Variants in MTAP observed in about 807,000 individuals in gnomAD.
MTAP encodes methylthioadenosine phosphorylase.
Under a neutral mutation model 33.6 loss-of-function variants are expected in MTAP, and 33 were observed. The observed-to-expected ratio is 0.98, with a 90% CI of 0.74 to 1.31. The LOEUF is 1.31. Among genes scored for constraint, MTAP ranks in the 40% most tolerant of loss-of-function variants. The probability of loss-of-function intolerance (pLI) is 0.00; values close to 1 mark genes in which losing one functional copy is unlikely to be tolerated. For synonymous variants in MTAP, 148 were observed against 125.7 expected (o/e 1.18, Z -1.19); for missense variants, 367 against 360.0 (o/e 1.02, Z -0.16).
chr9:21,907,665 G>T (rs1471841749), intron 1 of MTAP, among the ~76,000 whole-genome samples: 1 of 146,186 alleles, frequency 6.8e-6, no homozygotes, highest in East Asian at 2.1e-4. Context: ...AATAATACCT[G>T]TGTGGGTGTT....
chr9:21,902,371 G>C (rs1302714272), intron 1 of MTAP, among the ~76,000 whole-genome samples: 1 of 152,168 alleles, frequency 6.6e-6, no homozygotes, highest in East Asian at 1.9e-4. Context: ...CTGCAAAAGA[G>C]GAAGGAAAAG....
intron 4 of MTAP, among the ~76,000 whole-genome samples, chr9:21,821,924 T>C (rs1475985368): frequency 6.6e-6 from 1 of 152,230 alleles, no homozygotes; most frequent in Non-Finnish European, 1.5e-5. Context: ...CATAGAAGTG[T>C]TTATAGTATG....
At chr9:21,841,568 C>T (rs1825244700) in intron 5 of MTAP, among the ~76,000 whole-genome samples, 1 of 152,160 alleles carries the variant, frequency 6.6e-6, no homozygotes, top group African/African-American at 2.4e-5. Flanking sequence ...CTAGTAGCCA[C>T]AGCTTGGAGA....
Position 21,864,714 on chromosome 9 carries a change from C to T in MTAP, c.*2700C>T, listed in dbSNP as rs1280695599. On this transcript the variant is annotated 3_prime_UTR_variant, in exon 8 of 8. Transcript: ENST00000644715. ...GGAAGGAAACTCTGGTACGGTGGCA[C>T]CCTCAGGAGTGGAGGACAGTGAACT... 6 of 985,218 alleles carry T rather than the reference C, an allele frequency of 6.1e-6. No individual in the cohort carries two copies. The South Asian group carries it at 1.9e-4, about 31-fold the overall frequency. The allele number at this position is 985,218 out of a possible 1,614,324, so 61.0% of individuals were successfully genotyped here.
intron 1 of MTAP, among the ~76,000 whole-genome samples, chr9:21,913,966 C>A (rs968394779): frequency 9.9e-5 from 15 of 152,114 alleles, no homozygotes; most frequent in Non-Finnish European, 2.1e-4. Context: ...AAAAAGTGGG[C>A]AAAGGATATG....
At chr9:21,847,184 A>G (rs1825404730) in intron 5 of MTAP, among the ~76,000 whole-genome samples, 1 of 152,166 alleles carries the variant, frequency 6.6e-6, no homozygotes, top group African/African-American at 2.4e-5. Flanking sequence ...TCATTTTTGG[A>G]ACTCTGACTG....
At chr9:21,916,604 T>C (rs28690677) in intron 1 of MTAP, among the ~76,000 whole-genome samples, 2 of 151,462 alleles carry the variant, frequency 1.3e-5, no homozygotes, top group African/African-American at 4.9e-5. Flanking sequence ...TGAGAATCCA[T>C]CTCAAAAAAA....
At chr9:21,897,924 G>T (rs867498295) in intron 1 of MTAP, among the ~76,000 whole-genome samples, 9 of 152,142 alleles carry the variant, frequency 5.9e-5, no homozygotes, top group African/African-American at 1.9e-4. Flanking sequence ...GCATTGCCAA[G>T]TCAATCCTAA....
chr9:21,824,514 G>T (rs748163480), intron 4 of MTAP, among the ~76,000 whole-genome samples: 82 of 152,322 alleles, frequency 5.4e-4, no homozygotes, highest in African/African-American at 1.3e-3. Context: ...CTGCCCTACT[G>T]GGGGGTGCCT....
At chr9:21,858,991 G>A in intron 6 of MTAP, 1 of 215,464 alleles carries the variant, frequency 4.6e-6, no homozygotes, top group East Asian at 1.2e-4. Context: ...GGTGTCTAGT[G>A]AGAGCCCACT....
At chr9:21,839,583 A>T (rs554844347) in intron 5 of MTAP, among the ~76,000 whole-genome samples, 1 of 152,256 alleles carries the variant, frequency 6.6e-6, no homozygotes, top group Non-Finnish European at 1.5e-5. Flanking sequence ...ATTCAGCTTC[A>T]TAAAGACTGA....
At chr9:21,903,785 G>A (rs1456102034) in intron 1 of MTAP, among the ~76,000 whole-genome samples, 1 of 152,112 alleles carries the variant, frequency 6.6e-6, no homozygotes, top group Admixed American at 6.5e-5. Context: ...GCGGAGCTCC[G>A]ACCCCATGGC....
intron 4 of MTAP, among the ~76,000 whole-genome samples, chr9:21,819,283 C>T (rs1226492657): frequency 6.6e-6 from 1 of 152,094 alleles, no homozygotes; most frequent in Non-Finnish European, 1.5e-5. Flanking sequence ...GATGCTTTCC[C>T]TCCCCACTCC....
intron 1 of MTAP, among the ~76,000 whole-genome samples, chr9:21,904,740 A>C (rs1487987957): frequency 1.3e-5 from 2 of 152,228 alleles, no homozygotes; most frequent in Non-Finnish European, 2.9e-5. Context: ...CAAATTTTTC[A>C]GCATATAATT....
At chr9:21,891,053 A>T (rs2118747802) in intron 1 of MTAP, among the ~76,000 whole-genome samples, 1 of 152,280 alleles carries the variant, frequency 6.6e-6, no homozygotes, top group South Asian at 2.1e-4. Context: ...TTTGAGAACA[A>T]CTGTTCTAGC....
intron 1 of MTAP, 75 bp downstream of exon 1, chr9:21,802,856 C>CTCCGGGGGCCATGCGCCCGGCCCG: frequency 4.4e-6 from 7 of 1,583,996 alleles, no homozygotes; most frequent in Non-Finnish European, 5.1e-6. Context: ...GGGACCGCGC[C>CTCCGGGGGCCATGCGCCCGGCCCG]TCCGGGGGCC....
At chr9:21,879,176 G>A (rs923245111) in intron 1 of MTAP, among the ~76,000 whole-genome samples, 1 of 152,122 alleles carries the variant, frequency 6.6e-6, no homozygotes, top group Non-Finnish European at 1.5e-5. Flanking sequence ...CTAGTATTGT[G>A]TGGGAGTCTA....
At chr9:21,899,607 G>A (rs377546354) in intron 1 of MTAP, among the ~76,000 whole-genome samples, 164 of 152,244 alleles carry the variant, frequency 1.1e-3, no homozygotes, top group African/African-American at 3.8e-3. Flanking sequence ...CAGGGTGGCA[G>A]GACAGAGTGA....
intron 1 of MTAP, among the ~76,000 whole-genome samples, chr9:21,923,794 A>G (rs1445142111): frequency 6.7e-6 from 1 of 149,398 alleles, no homozygotes; most frequent in Non-Finnish European, 1.5e-5. Context: ...CTTAAAGAAC[A>G]TGGGAAATGG....
Sources: allele counts gnomAD v4.1 joint callset (sites outside exome capture counted in the v4.1 genomes callset), GRCh38; gene constraint gnomAD v4.1.1; transcripts MANE v1.5; gene names NCBI Gene and HGNC (gene_info 2026-07-23, HGNC 2026-07-21).